Variants in DOCK2 observed in about 807,000 individuals in gnomAD.
DOCK2 encodes dedicator of cytokinesis protein 2.
DOCK2 carries 87 observed loss-of-function variants against 248.9 expected under a neutral mutation model. The observed-to-expected ratio is 0.35, with a 90% CI of 0.29 to 0.42. The LOEUF is 0.42. Ranked by LOEUF, DOCK2 falls within the 10% of genes least tolerant of loss-of-function variation. DOCK2 has a pLI of 1.00. For synonymous variants in DOCK2, 805 were observed against 821.6 expected, an observed-to-expected ratio of 0.98 and a Z score of 0.35; for missense variants, 1,747 against 2,300.2, an observed-to-expected ratio of 0.76 and a Z score of 4.92.
At chr5:169,925,675 G>A (rs1277253084) in intron 27 of DOCK2, among the ~76,000 whole-genome samples, 2 of 149,980 alleles carry the variant, frequency 1.3e-5, no homozygotes. Context: ...GACTTCTGTA[G>A]TTCAGTTTCT....
chr5:169,820,096 CT>C (rs1768332649), intron 26 of DOCK2, among the ~76,000 whole-genome samples: 1 of 152,188 alleles, frequency 6.6e-6, no homozygotes, highest in African/African-American at 2.4e-5. Flanking sequence ...ATAGCTGAGG[CT>C]TGAGTAGGTA....
intron 26 of DOCK2, among the ~76,000 whole-genome samples, chr5:169,806,537 C>T (rs907728291): frequency 3.9e-5 from 6 of 152,062 alleles, no homozygotes; most frequent in African/African-American, 1.4e-4. Flanking sequence ...AGTTTAAAAC[C>T]TGAAAGTCAA....
chr5:169,902,137 A>G (rs1773963470), intron 27 of DOCK2, among the ~76,000 whole-genome samples: 2 of 152,324 alleles, frequency 1.3e-5, no homozygotes, highest in Middle Eastern at 6.8e-3. Context: ...TATCAGAAAT[A>G]CCACAAAAAC....
rs113408361 is a variant in DOCK2 at position 170,055,861 on chromosome 5, G to A, written c.4295+475G>A. Reference sequence around the variant, plus strand: ...CAGGCTCTGATAAAGGAACAGTAGAGGAAGTGCCGTGAAGGCTGATGTCCA... The same window carrying A: ...CAGGCTCTGATAAAGGAACAGTAGAAGAAGTGCCGTGAAGGCTGATGTCCA... On this transcript the variant is annotated intron_variant, in intron 42 of 51. Transcript: ENST00000520908. Among the ~76,000 whole-genome samples the A allele has an allele frequency of 3.2e-3, 480 of 152,370 alleles. 1 individual carries two copies. The highest frequency in any genetic ancestry group is 4.9e-3 in the Non-Finnish European group (335 of 68,040).
At chr5:169,945,637 T>G (rs1178439231) in intron 27 of DOCK2, among the ~76,000 whole-genome samples, 1 of 152,200 alleles carries the variant, frequency 6.6e-6, no homozygotes, top group Non-Finnish European at 1.5e-5. Context: ...CTGGCTGAGC[T>G]GCATCTGCAG....
intron 40 of DOCK2, among the ~76,000 whole-genome samples, chr5:170,049,178 G>T (rs1171071489): frequency 6.6e-6 from 1 of 152,202 alleles, no homozygotes; most frequent in Non-Finnish European, 1.5e-5. Context: ...GCAGTGGCTT[G>T]ATCTCGGCTC....
chr5:169,936,809 T>C (rs527626517), intron 27 of DOCK2, among the ~76,000 whole-genome samples: 1 of 152,268 alleles, frequency 6.6e-6, no homozygotes, highest in African/African-American at 2.4e-5. Flanking sequence ...ACTTAGTAAA[T>C]TAGCTAAATT....
chr5:169,900,071 T>C (rs926486687), intron 27 of DOCK2, among the ~76,000 whole-genome samples: 3 of 152,204 alleles, frequency 2.0e-5, no homozygotes, highest in African/African-American at 4.8e-5. Flanking sequence ...ATTTAGCCTT[T>C]CTTCCTTTCC....
intron 29 of DOCK2, among the ~76,000 whole-genome samples, chr5:169,995,775 G>C (rs1039395967): frequency 2.0e-5 from 3 of 151,626 alleles, no homozygotes; most frequent in Non-Finnish European, 4.4e-5. Context: ...TTTGGGGATG[G>C]GGGGGGTGAT....
intron 33 of DOCK2, among the ~76,000 whole-genome samples, chr5:170,025,954 C>T (rs900964049): frequency 2.0e-5 from 3 of 151,964 alleles, no homozygotes; most frequent in African/African-American, 2.4e-5. Context: ...TTGCTCACAC[C>T]GTTTCCCCCA....
At chr5:169,833,539 A>C (rs1242507266) in intron 26 of DOCK2, among the ~76,000 whole-genome samples, 6 of 152,316 alleles carry the variant, frequency 3.9e-5, no homozygotes, top group Non-Finnish European at 1.5e-5. Flanking sequence ...AGGGTGAAGG[A>C]AAGGAAGGAG....
Position 170,077,792 on chromosome 5 carries a change from C to T in DOCK2, c.4949C>T (p.Ser1650Phe), listed in dbSNP as rs1757886576. 3.1e-6 allele frequency: 5 copies of T among 1,613,884 alleles called. No homozygotes were observed. Among genetic ancestry groups the T allele is most frequent in the Non-Finnish European group, 4.2e-6 (5 of 1,179,986 alleles). Residue 1650 changes from serine (S) to phenylalanine (F), a missense_variant, in exon 48 of 52, where the codon TCC becomes TTC. Physicochemically the swap from Ser to Phe is radical, Grantham distance 155. Transcript: ENST00000520908. The stretch of plus-strand genomic sequence containing the variant: ...CAGATGTCCATCATCTCTCTGGCTT[C>T]CATGAATTCTGACTGCAGCACCCCC... ...YRQMSIISLA[S>F]MNSDCSTPSK... is the part of the protein sequence containing the mutation.
Position 170,047,611 on chromosome 5 carries a change from G to C in DOCK2, c.4068G>C (p.Leu1356=), listed in dbSNP as rs1468875896. The change falls in exon 40 of 52, where the codon CTG becomes CTC. Residue 1356 remains leucine (L), a synonymous_variant. Transcript: ENST00000520908. The stretch of plus-strand genomic sequence containing the variant: ...ACGGCCAGGGATTCCCCTCCTTCCT[G>C]CGGGTGAGTTTGGGGGTGACTTGGA... ...GYYGQGFPSF[L]RNKVFIYRGK... The C allele has an allele frequency of 6.2e-7, 1 of 1,613,914 alleles. No homozygotes were observed.
chr5:169,804,683 A>G (rs981964407), intron 26 of DOCK2, among the ~76,000 whole-genome samples: 1 of 152,210 alleles, frequency 6.6e-6, no homozygotes, highest in Non-Finnish European at 1.5e-5. Context: ...CCCATTTTAG[A>G]GATGAAAAAC....
At chr5:169,957,515 G>A (rs1213674020) in intron 27 of DOCK2, among the ~76,000 whole-genome samples, 2 of 152,192 alleles carry the variant, frequency 1.3e-5, no homozygotes, top group African/African-American at 4.8e-5. Context: ...AGAAAACTGA[G>A]GCTCAGAGGT....
chr5:170,011,220 G>T (rs534042007), intron 32 of DOCK2, among the ~76,000 whole-genome samples: 1 of 152,322 alleles, frequency 6.6e-6, no homozygotes, highest in South Asian at 2.1e-4. Context: ...CTTGTAGAGG[G>T]TTTTCTAGGG....
intron 25 of DOCK2, among the ~76,000 whole-genome samples, chr5:169,775,266 GA>G (rs1319650304): frequency 2.6e-5 from 4 of 152,196 alleles, no homozygotes; most frequent in Non-Finnish European, 4.4e-5. Flanking sequence ...TGCTACTAAG[GA>G]AGCAAGAGTG....
At chr5:169,785,832 A>G (rs1463219827) in intron 25 of DOCK2, among the ~76,000 whole-genome samples, 1 of 152,096 alleles carries the variant, frequency 6.6e-6, no homozygotes, top group Non-Finnish European at 1.5e-5. Flanking sequence ...TTTTTGTGGA[A>G]TGCTCCTTCA....
intron 1 of DOCK2, among the ~76,000 whole-genome samples, chr5:169,647,885 T>C (rs1219743419): frequency 6.6e-6 from 1 of 152,132 alleles, no homozygotes; most frequent in Non-Finnish European, 1.5e-5. Flanking sequence ...TTTTGTCTCT[T>C]CGACTAGATT....
Sources: gnomAD v4.1 joint callset for allele counts (sites outside exome capture counted in the v4.1 genomes callset) on GRCh38, gnomAD v4.1.1 for gene constraint, MANE v1.5 for transcripts, NCBI Gene and HGNC (gene_info 2026-07-23, HGNC 2026-07-21) for gene names.